The following PCDH15 variants were observed in gnomAD, a reference collection of about 807,000 sequenced individuals.
The protein encoded by PCDH15 is protocadherin related 15.
A neutral mutation model predicts 178.5 loss-of-function variants in PCDH15; 129 were observed. That is an observed-to-expected ratio of 0.72 (90% CI 0.63 to 0.84). The LOEUF (loss-of-function observed/expected upper bound fraction) is 0.84. PCDH15 is among the 40% of genes least tolerant of loss of function. The probability of loss-of-function intolerance (pLI) is 0.00; values close to 1 mark genes in which losing one functional copy is unlikely to be tolerated. For missense variants in PCDH15, 2,230 were observed against 2,099.9 expected, an observed-to-expected ratio of 1.06 and a Z score of -1.21; for synonymous variants, 800 against 732.0, an observed-to-expected ratio of 1.09 and a Z score of -1.50.
chr10:53,969,749 A>G (rs1301714861), intron 21 of PCDH15, among the ~76,000 whole-genome samples: 1 of 152,202 alleles, frequency 6.6e-6, no homozygotes, highest in African/African-American at 2.4e-5. Flanking sequence ...TTTCATATCC[A>G]GCCAAACTAA....
At chr10:54,151,504 C>T (rs1419570500) in intron 14 of PCDH15, among the ~76,000 whole-genome samples, 1 of 151,988 alleles carries the variant, frequency 6.6e-6, no homozygotes, top group African/African-American at 2.4e-5. Flanking sequence ...TGTGCCGCTA[C>T]ACTCTAGACT....
At chr10:53,909,891 C>G (rs1349295653) in intron 25 of PCDH15, among the ~76,000 whole-genome samples, 1 of 152,232 alleles carries the variant, frequency 6.6e-6, no homozygotes, top group Non-Finnish European at 1.5e-5. Context: ...GCCCACGAAG[C>G]CTTGCTCACT....
intron 25 of PCDH15, among the ~76,000 whole-genome samples, chr10:53,935,921 A>G (rs540960617): frequency 2.0e-5 from 3 of 152,182 alleles, no homozygotes; most frequent in Admixed American, 6.5e-5. Flanking sequence ...GCTACTATCT[A>G]TATCACAAAA....
intron 2 of PCDH15, among the ~76,000 whole-genome samples, chr10:55,067,637 A>ATTT (rs199554150): frequency 0.067 from 9,486 of 141,942 alleles, 439 homozygotes; most frequent in African/African-American, 0.11. Flanking sequence ...TGATAGTTCT[A>ATTT]TTTTTTTTTT....
intron 3 of PCDH15, among the ~76,000 whole-genome samples, chr10:54,382,466 T>C (rs1410592687): frequency 1.3e-5 from 2 of 152,136 alleles, no homozygotes; most frequent in Non-Finnish European, 2.9e-5. Flanking sequence ...CATTAGAGCT[T>C]GCCACCCATA....
At chr10:54,849,743 G>A (rs531289809) in intron 3 of PCDH15, among the ~76,000 whole-genome samples, 1 of 152,196 alleles carries the variant, frequency 6.6e-6, no homozygotes. Flanking sequence ...AATTACTTTT[G>A]CACCAACCTA....
intron 1 of PCDH15, among the ~76,000 whole-genome samples, chr10:55,306,541 G>A (rs779951526): frequency 3.0e-4 from 46 of 152,136 alleles, no homozygotes; most frequent in Non-Finnish European, 5.3e-4. Flanking sequence ...TGTGATAATA[G>A]AGCATTCTCA....
chr10:54,237,290 G>C (rs1443149487), intron 8 of PCDH15, among the ~76,000 whole-genome samples: 4 of 152,014 alleles, frequency 2.6e-5, no homozygotes, highest in African/African-American at 4.8e-5. Flanking sequence ...CTTTGCTTTA[G>C]ACAAGATTTG....
At chr10:54,619,745 C>G (rs902763270) in intron 2 of PCDH15, among the ~76,000 whole-genome samples, 1 of 152,062 alleles carries the variant, frequency 6.6e-6, no homozygotes, top group African/African-American at 2.4e-5. Context: ...GACTGCCGCA[C>G]TAGAACCATC....
intron 18 of PCDH15, among the ~76,000 whole-genome samples, chr10:54,045,358 A>G (rs2093634208): frequency 6.6e-6 from 1 of 152,116 alleles, no homozygotes; most frequent in African/African-American, 2.4e-5. Context: ...ACCAATATTT[A>G]TGGTTAGTCA....
chr10:54,562,671 A>ATATATGTACATATATGAAATCTCACTCTC (rs1316133896), intron 2 of PCDH15, among the ~76,000 whole-genome samples: 10 of 152,164 alleles, frequency 6.6e-5, no homozygotes, highest in African/African-American at 2.4e-4. Flanking sequence ...CATGCTTCAT[A>ATATATGTACATATATGAAATCTCACTCTC]TATATGTACA....
At chr10:55,437,099 G>T (rs941540507) in intron 2 of PCDH15, among the ~76,000 whole-genome samples, 3 of 152,092 alleles carry the variant, frequency 2.0e-5, no homozygotes, top group Non-Finnish European at 4.4e-5. Context: ...TATAATGATG[G>T]TCATACAATT....
intron 8 of PCDH15, among the ~76,000 whole-genome samples, chr10:54,252,856 T>C (rs1054631582): frequency 6.6e-6 from 1 of 152,018 alleles, no homozygotes; most frequent in Non-Finnish European, 1.5e-5. Context: ...TTTTATAATT[T>C]CTTATTATTC....
chr10:55,085,241 A>C (rs923166252), intron 2 of PCDH15, among the ~76,000 whole-genome samples: 5 of 152,080 alleles, frequency 3.3e-5, no homozygotes, highest in Admixed American at 6.6e-5. Flanking sequence ...CATTGTGTTA[A>C]GGAAATAAGC....
At chr10:55,336,803 TC>T (rs1297196114) in intron 2 of PCDH15, among the ~76,000 whole-genome samples, 1 of 152,198 alleles carries the variant, frequency 6.6e-6, no homozygotes, top group Non-Finnish European at 1.5e-5. Flanking sequence ...TTCTGAAGGC[TC>T]CCGTGTTACT....
chr10:54,377,174 TA>T (rs2134975995), intron 4 of PCDH15, among the ~76,000 whole-genome samples: 1 of 152,184 alleles, frequency 6.6e-6, no homozygotes, highest in South Asian at 2.1e-4. Flanking sequence ...ATGCTTGAAA[TA>T]AAATGTGGCA....
intron 5 of PCDH15, among the ~76,000 whole-genome samples, chr10:54,352,431 A>G (rs1008012829): frequency 1.3e-5 from 2 of 152,152 alleles, no homozygotes; most frequent in East Asian, 3.9e-4. Context: ...ACGATTGATG[A>G]GATTTTACTT....
chr10:55,410,230 A>T (rs1197736095), intron 2 of PCDH15, among the ~76,000 whole-genome samples: 1 of 152,144 alleles, frequency 6.6e-6, no homozygotes, highest in Non-Finnish European at 1.5e-5. Flanking sequence ...TAGAAATATA[A>T]TGTGAATTTT....
At chr10:53,811,470 GTAA>G (rs1209454212) in intron 36 of PCDH15, 76 bp downstream of exon 36, 353 of 869,380 alleles carry the variant, frequency 4.1e-4, no homozygotes, top group Admixed American at 6.4e-4. Context: ...ACAAATTCTA[GTAA>G]TAATAATCAT....
Sources: gnomAD v4.1 joint callset for allele counts (sites outside exome capture counted in the v4.1 genomes callset) on GRCh38, gnomAD v4.1.1 for gene constraint, MANE v1.5 for transcripts, NCBI Gene and HGNC (gene_info 2026-07-23, HGNC 2026-07-21) for gene names.